Variants in IFT74 observed in about 807,000 individuals in gnomAD.
IFT74 encodes the protein intraflagellar transport 74.
IFT74 carries 92 observed loss-of-function variants against 96.7 expected under a neutral mutation model. The observed-to-expected ratio is 0.95, with a 90% CI of 0.80 to 1.13. The LOEUF is 1.13. Ranked by LOEUF, IFT74 falls within the 50% of genes most tolerant of loss-of-function variation. IFT74 has a pLI of 0.00. For missense variants in IFT74, 811 were observed against 698.2 expected (o/e 1.16, Z -1.82); for synonymous variants, 223 against 213.2 (o/e 1.05, Z -0.40).
chr9:26,977,392 G>T (rs1827174709), intron 2 of IFT74, among the ~76,000 whole-genome samples: 2 of 152,172 alleles, frequency 1.3e-5, no homozygotes, highest in Admixed American at 1.3e-4. Context: ...CAGGCCAGTA[G>T]TTCAAGACCA....
intron 8 of IFT74, chr9:26,996,205 A>C (rs1828146936): frequency 1.4e-6 from 1 of 726,912 alleles, no homozygotes; most frequent in Admixed American, 3.6e-5. Flanking sequence ...TGAGATGAGG[A>C]ATCTTTCTTT....
intron 8 of IFT74, among the ~76,000 whole-genome samples, chr9:26,992,098 C>T (rs181905764): frequency 6.6e-6 from 1 of 151,844 alleles, no homozygotes; most frequent in East Asian, 1.9e-4. Context: ...GAGTTTAGAA[C>T]ATTTAAGTTC....
chr9:26,949,841 G>A (rs1825876782), intron 1 of IFT74, among the ~76,000 whole-genome samples: 1 of 152,128 alleles, frequency 6.6e-6, no homozygotes, highest in African/African-American at 2.4e-5. Context: ...CTGAGGAGTG[G>A]GGTTCACAGG....
chr9:27,005,782 C>A (rs958503472), intron 8 of IFT74: 1 of 150,854 alleles, frequency 6.6e-6, no homozygotes, highest in Non-Finnish European at 1.5e-5. Context: ...TTCTTAAAGT[C>A]ATCTTTTCCT....
chr9:26,964,400 T>C (rs1826512935), intron 2 of IFT74, among the ~76,000 whole-genome samples: 1 of 151,226 alleles, frequency 6.6e-6, no homozygotes, highest in Admixed American at 6.6e-5. Context: ...GGTAGTGTGA[T>C]GCCTCCAGCT....
intron 2 of IFT74, among the ~76,000 whole-genome samples, chr9:26,974,975 C>A (rs189409966): frequency 2.0e-5 from 3 of 152,046 alleles, no homozygotes; most frequent in Non-Finnish European, 2.9e-5. Flanking sequence ...TTTTGGATAT[C>A]CTTTTTACAT....
intron 3 of IFT74, among the ~76,000 whole-genome samples, chr9:26,978,792 A>G (rs1278347066): frequency 6.6e-6 from 1 of 152,156 alleles, no homozygotes; most frequent in Non-Finnish European, 1.5e-5. Flanking sequence ...TCTAATACTT[A>G]TGTAAGGAAA....
chr9:27,001,395 CAG>C (rs1176509639), intron 8 of IFT74, among the ~76,000 whole-genome samples: 3 of 152,070 alleles, frequency 2.0e-5, no homozygotes, highest in African/African-American at 7.2e-5. Context: ...TACTGCTCTC[CAG>C]AGTGGCTATA....
At chr9:26,961,869 A>C in intron 1 of IFT74, 80 bp from the exon 2 acceptor site, 2 of 1,441,008 alleles carry the variant, frequency 1.4e-6, no homozygotes, top group Non-Finnish European at 1.9e-6. Context: ...GTTGTGAATT[A>C]AATGTAAGGG....
At chr9:26,997,832 G>C (rs1453624502) in intron 8 of IFT74, 3 of 1,614,162 alleles carry the variant, frequency 1.9e-6, no homozygotes, top group Non-Finnish European at 2.5e-6. Context: ...ATGAAATAGT[G>C]GTGGTACATC....
intron 13 of IFT74, among the ~76,000 whole-genome samples, chr9:27,043,281 G>T (rs1200824629): frequency 6.6e-6 from 1 of 152,158 alleles, no homozygotes. Flanking sequence ...CTCAGCATCA[G>T]GGTTGTCGTC....
In IFT74 at chr9:26,990,444, A is replaced by G. The variant is rs59315745; in HGVS notation, c.587+249A>G. On this transcript the variant is annotated intron_variant, in intron 8 of 19. Transcript: ENST00000380062. ...TAGGATTTATGCTGCTAGCAGCTGA[A>G]CACTTATGATGGATAAGAACATCTT... is the stretch of plus-strand genomic sequence containing the variant. Among the ~76,000 whole-genome samples, 872 of 152,344 alleles carry G rather than the reference A, an allele frequency of 5.7e-3. 10 individuals are homozygous for G. The highest frequency in any genetic ancestry group is 0.02 in the African/African-American group (818 of 41,588).
rs1458821241 is a variant in IFT74 at position 26,995,959 on chromosome 9, A to G, written c.587+5764A>G. 30 of 788,402 alleles carry G rather than the reference A, an allele frequency of 3.8e-5. No individual in the cohort carries two copies. In the Admixed American group the frequency reaches 9.8e-4, roughly 26 times the overall value. 48.8% of individuals were successfully genotyped at this position (788,402 alleles called of 1,614,324 possible). A position where few individuals can be genotyped will look rare whatever the true frequency, so the allele number is the denominator to read the frequency against. ...CAATATTGGTATTAAAAATAAACATACATTGTAGTTTTCTTTAGATTTTGT... is the reference window on the plus strand; with the variant it reads ...CAATATTGGTATTAAAAATAAACATGCATTGTAGTTTTCTTTAGATTTTGT... On this transcript the variant is annotated intron_variant, in intron 8 of 19. Transcript: ENST00000380062.
intron 16 of IFT74, among the ~76,000 whole-genome samples, chr9:27,048,818 G>A (rs1197310896): frequency 1.3e-5 from 2 of 152,144 alleles, no homozygotes. Context: ...CGTTTTAATG[G>A]AATGGCTTTT....
chr9:26,995,162 C>G (rs1828075126), intron 8 of IFT74: 1 of 157,170 alleles, frequency 6.4e-6, no homozygotes, highest in African/African-American at 2.4e-5. Context: ...CTGATTGAAA[C>G]ATTAGTATAA....
chr9:26,984,069 C>G (rs1230320073), intron 4 of IFT74, 188 bp from the exon 5 acceptor site: 1 of 403,592 alleles, frequency 2.5e-6, no homozygotes, highest in Non-Finnish European at 4.3e-6. Flanking sequence ...CAGGCTTGAC[C>G]CACCGCACCC....
chr9:27,031,424 G>A (rs950215113), intron 13 of IFT74, among the ~76,000 whole-genome samples: 4 of 151,630 alleles, frequency 2.6e-5, no homozygotes, highest in African/African-American at 9.7e-5. Flanking sequence ...CCAAGATCGC[G>A]CCTCTATGCT....
intron 17 of IFT74, 120 bp downstream of exon 17, chr9:27,055,892 TGA>T: frequency 6.5e-6 from 4 of 615,114 alleles, no homozygotes; most frequent in Non-Finnish European, 1.0e-5. Context: ...TATATATAAG[TGA>T]GAAAAAATAA....
chr9:27,010,694 T>G (rs995120903), intron 9 of IFT74, among the ~76,000 whole-genome samples: 5 of 149,348 alleles, frequency 3.3e-5, no homozygotes, highest in African/African-American at 4.9e-5. Flanking sequence ...TGTTTCACCG[T>G]GTTAGCCAGG....
Sources: allele counts gnomAD v4.1 joint callset (sites outside exome capture counted in the v4.1 genomes callset), GRCh38; gene constraint gnomAD v4.1.1; transcripts MANE v1.5; gene names NCBI Gene and HGNC (gene_info 2026-07-23, HGNC 2026-07-21).